CFAP263: variants seen among roughly 807,000 people sequenced by gnomAD.
CFAP263 encodes the protein cilia and flagella associated protein 263, also known as cilia- and flagella-associated protein 263.
the CFAP263 span, among the ~76,000 whole-genome samples, chr16:58,254,376 G>A: frequency 6.6e-6 from 1 of 152,262 alleles, no homozygotes; most frequent in East Asian, 1.9e-4. Flanking sequence ...AAAAATACAC[G>A]AATGTAGAGA....
chr16:58,277,620 T>C, the CFAP263 span, among the ~76,000 whole-genome samples: 2 of 98,264 alleles, frequency 2.0e-5, no homozygotes. Flanking sequence ...ACACCCATGT[T>C]GACAGCACCA....
At chr16:58,271,477 G>A in the CFAP263 span, among the ~76,000 whole-genome samples, 1 of 152,026 alleles carries the variant, frequency 6.6e-6, no homozygotes. Context: ...GTTCTTACCT[G>A]ACGTCCTTTA....
At chr16:58,280,326 C>T in the CFAP263 span, 27 of 1,614,036 alleles carry the variant, frequency 1.7e-5, no homozygotes, top group Non-Finnish European at 2.3e-5. Context: ...CTTCCCCCAC[C>T]TCCCCACCGT....
the CFAP263 span, among the ~76,000 whole-genome samples, chr16:58,268,349 G>A: frequency 6.6e-6 from 1 of 152,206 alleles, no homozygotes; most frequent in Non-Finnish European, 1.5e-5. Flanking sequence ...GGAGGGCACA[G>A]GAGAAAGAGT....
At chr16:58,278,706 C>A in the CFAP263 span, 6 of 1,475,452 alleles carry the variant, frequency 4.1e-6, no homozygotes, top group African/African-American at 2.8e-5. Flanking sequence ...GGATTTTGTT[C>A]TTTGGGGTAA....
At chr16:58,260,311 T>C in the CFAP263 span, among the ~76,000 whole-genome samples, 28 of 152,272 alleles carry the variant, frequency 1.8e-4, no homozygotes, top group East Asian at 3.9e-3. Context: ...GAGTCTCCCC[T>C]AGAGCCTTGG....
chr16:58,265,791 C>T, the CFAP263 span, among the ~76,000 whole-genome samples: 1 of 152,188 alleles, frequency 6.6e-6, no homozygotes, highest in Non-Finnish European at 1.5e-5. Flanking sequence ...TCAAGGGACC[C>T]ACATCTTGAC....
chr16:58,258,470 A>G, the CFAP263 span: 1 of 1,614,070 alleles, frequency 6.2e-7, no homozygotes, highest in East Asian at 2.2e-5. Flanking sequence ...GAAAGGGAGT[A>G]TTTTGGCCAC....
the CFAP263 span, among the ~76,000 whole-genome samples, chr16:58,257,085 T>TCGGCTCA: frequency 1.1e-4 from 8 of 75,382 alleles, no homozygotes; most frequent in African/African-American, 3.6e-4. Context: ...TGGCGGGATC[T>TCGGCTCA]CGGCTCACTG....
At chr16:58,252,275 CAGGAGG>C in the CFAP263 span, among the ~76,000 whole-genome samples, 1 of 151,966 alleles carries the variant, frequency 6.6e-6, no homozygotes, top group Non-Finnish European at 1.5e-5. Context: ...GAGGCTGAGG[CAGGAGG>C]ATTGCTTGAT....
the CFAP263 span, chr16:58,259,832 A>C: frequency 6.9e-7 from 1 of 1,447,598 alleles, no homozygotes; most frequent in Non-Finnish European, 9.6e-7. Flanking sequence ...TAAATGCATT[A>C]AAATATGCCT....
the CFAP263 span, among the ~76,000 whole-genome samples, chr16:58,261,060 T>A: frequency 6.6e-6 from 1 of 152,120 alleles, no homozygotes; most frequent in East Asian, 1.9e-4. Context: ...TGGAGTGTCA[T>A]GTCACAAGGT....
the CFAP263 span, among the ~76,000 whole-genome samples, chr16:58,277,562 T>C: frequency 6.6e-6 from 1 of 152,252 alleles, no homozygotes; most frequent in Admixed American, 6.5e-5. Flanking sequence ...ATTCTGCGTC[T>C]GGGAATATAC....
At chr16:58,280,061 G>T in the CFAP263 span, 1 of 702,214 alleles carries the variant, frequency 1.4e-6, no homozygotes, top group Non-Finnish European at 2.4e-6. Flanking sequence ...TCCCACACCT[G>T]GGAGAGGGAT....
chr16:58,263,207 C>T, the CFAP263 span, among the ~76,000 whole-genome samples: 1 of 152,152 alleles, frequency 6.6e-6, no homozygotes, highest in Non-Finnish European at 1.5e-5. Flanking sequence ...CAGTGTGTCC[C>T]CACCCACTGC....
chr16:58,266,795 T>C, the CFAP263 span, among the ~76,000 whole-genome samples: 88,380 of 151,588 alleles, frequency 0.58, 26,796 homozygotes, highest in African/African-American at 0.74. Flanking sequence ...CAGAAGCCAG[T>C]GAAGGGCAGA....
the CFAP263 span, chr16:58,280,919 C>G: frequency 1.6e-6 from 1 of 627,618 alleles, no homozygotes; most frequent in Non-Finnish European, 2.7e-6. Flanking sequence ...CAGCCACCAC[C>G]ACAAATTCCA....
chr16:58,279,154 C>T, the CFAP263 span, among the ~76,000 whole-genome samples: 1 of 152,096 alleles, frequency 6.6e-6, no homozygotes, highest in South Asian at 2.1e-4. Flanking sequence ...GATAAATGGG[C>T]AATGGGAAAC....
chr16:58,266,401 ATATATTTTTTTTTTTTTTTTTT>A, the CFAP263 span, among the ~76,000 whole-genome samples: 1 of 41,828 alleles, frequency 2.4e-5, no homozygotes, highest in Non-Finnish European at 4.0e-5. Context: ...ATATATATAT[ATATATTTTTTTTTTTTTTTTTT>A]TTTTTTTTTT....
Sources: gnomAD v4.1 joint callset for allele counts (sites outside exome capture counted in the v4.1 genomes callset) on GRCh38, gnomAD v4.1.1 for gene constraint, MANE v1.5 for transcripts, NCBI Gene and HGNC (gene_info 2026-07-23, HGNC 2026-07-21) for gene names.